The following DHDDS variants were observed in gnomAD, a reference collection of about 807,000 sequenced individuals.
DHDDS encodes dehydrodolichyl diphosphate synthase subunit, also known as dehydrodolichyl diphosphate synthase complex subunit DHDDS.
DHDDS carries 16 observed loss-of-function variants against 46.2 expected under a neutral mutation model. The ratio of observed to expected loss-of-function variants is 0.35; its 90% CI spans 0.23 to 0.53. The LOEUF is 0.53. DHDDS is among the 20% of genes least tolerant of loss of function. The pLI is 0.94. For synonymous variants in DHDDS, 151 were observed against 163.1 expected (o/e 0.93, Z 0.56); for missense variants, 340 against 423.7 (o/e 0.80, Z 1.73).
intron 3 of DHDDS, among the ~76,000 whole-genome samples, chr1:26,441,972 T>A (rs144529377): frequency 6.6e-6 from 1 of 152,082 alleles, no homozygotes; most frequent in Non-Finnish European, 1.5e-5. Context: ...CTCAATCAAC[T>A]TCTGTTCTAC....
chr1:26,433,249 T>G (rs2075121129), intron 2 of DHDDS: 1 of 571,350 alleles, frequency 1.8e-6, no homozygotes, highest in Non-Finnish European at 3.1e-6. Context: ...CCTAGACTGC[T>G]AAGTATTCTT....
chr1:26,458,167 A>C (rs1205784519), intron 7 of DHDDS, among the ~76,000 whole-genome samples: 3 of 152,250 alleles, frequency 2.0e-5, no homozygotes, highest in Admixed American at 1.3e-4. Flanking sequence ...TCTGTCTTGC[A>C]TCCCTGAGCG....
intron 5 of DHDDS, 55 bp downstream of exon 5, chr1:26,446,487 G>A: frequency 1.3e-6 from 2 of 1,538,630 alleles, no homozygotes; most frequent in Non-Finnish European, 1.8e-6. Context: ...TTCCCTGCTG[G>A]CTTTAGGGAG....
chr1:26,469,704 C>CGAGATCT lies in DHDDS; in HGVS notation c.*573_*574insGAGATCT. ...CTATTGAATCTCTACCCTCTCCCAC[C>CGAGATCT]ACACAGTACTGATTGCTCACTGAAA... On this transcript the variant is annotated 3_prime_UTR_variant, in exon 9 of 9. Transcript: ENST00000236342. 2 of 201,926 alleles carry CGAGATCT rather than the reference C, an allele frequency of 9.9e-6. No individual in the cohort carries two copies. Among genetic ancestry groups the CGAGATCT allele is most frequent in the Non-Finnish European group, 2.1e-5 (2 of 96,072 alleles). The allele number at this position is 201,926 out of a possible 1,614,324, so 12.5% of individuals were successfully genotyped here.
chr1:26,444,181 G>C (rs2075244954), intron 4 of DHDDS, among the ~76,000 whole-genome samples: 2 of 152,162 alleles, frequency 1.3e-5, no homozygotes, highest in Non-Finnish European at 2.9e-5. Context: ...TAGAGAAAAT[G>C]GTCTTCGTTT....
chr1:26,458,358 A>G (rs960178481), intron 7 of DHDDS, among the ~76,000 whole-genome samples: 19 of 152,236 alleles, frequency 1.2e-4, no homozygotes, highest in African/African-American at 4.3e-4. Flanking sequence ...GCACATAACT[A>G]GGGGAAGTCC....
At chr1:26,444,914 C>T (rs577859228) in intron 4 of DHDDS, among the ~76,000 whole-genome samples, 28 of 152,306 alleles carry the variant, frequency 1.8e-4, no homozygotes, top group African/African-American at 3.4e-4. Flanking sequence ...CTCCCATTTT[C>T]CAAATGTGAA....
rs1440123857 is a variant in DHDDS, at chr1:26,468,930, G to A, written c.801G>A (p.Arg267=). ...ACATGTATGCAGAGGAGCGGAAGAGGCAGCAGCTGGAGAGGGACCAGGCTA... is the reference window on the plus strand; with the variant it reads ...ACATGTATGCAGAGGAGCGGAAGAGACAGCAGCTGGAGAGGGACCAGGCTA... The part of the protein sequence containing the change: ...ARDMYAEERK[R]QQLERDQATV... The change falls in exon 9 of 9, where the codon AGG becomes AGA. Residue 267 remains arginine, a synonymous_variant. Transcript: ENST00000236342. 1 of 1,614,098 alleles carries A rather than the reference G, an allele frequency of 6.2e-7. No individual in the cohort carries two copies. Among genetic ancestry groups the A allele is most frequent in the East Asian group, 2.2e-5 (1 of 44,880 alleles).
Position 26,453,955 on chromosome 1 carries a change from C to T in DHDDS, c.543-3836C>T, listed in dbSNP as rs943171287. Among the ~76,000 whole-genome samples, 7 of 151,764 alleles carry T rather than the reference C, an allele frequency of 4.6e-5. 1 individual carries two copies. Among genetic ancestry groups the T allele is most frequent in the African/African-American group, 1.7e-4 (7 of 41,424 alleles). ...TCATCTTTCCACCCTAGAGTTAACCCCTTTTTTTTTGTTTTTGAGATGGAG... is the reference window on the plus strand; with the variant it reads ...TCATCTTTCCACCCTAGAGTTAACCTCTTTTTTTTTGTTTTTGAGATGGAG... On this transcript the variant is annotated intron_variant, in intron 6 of 8. Coordinates refer to ENST00000236342, the MANE Select transcript of DHDDS (RefSeq NM_205861.3).
chr1:26,462,271 T>C (rs974433313), intron 8 of DHDDS, among the ~76,000 whole-genome samples: 3 of 152,214 alleles, frequency 2.0e-5, no homozygotes, highest in Admixed American at 6.5e-5. Flanking sequence ...TCCTCCTGCT[T>C]CGGCCTCCCC....
chr1:26,459,761 T>C (rs2075404386), intron 7 of DHDDS, among the ~76,000 whole-genome samples: 1 of 152,228 alleles, frequency 6.6e-6, no homozygotes, highest in Non-Finnish European at 1.5e-5. Context: ...GTCCTAAAAT[T>C]GGCTCTTAGA....
At chr1:26,435,616 GT>G (rs1170183235) in intron 2 of DHDDS, among the ~76,000 whole-genome samples, 1 of 142,946 alleles carries the variant, frequency 7.0e-6, no homozygotes, top group Non-Finnish European at 1.5e-5. Flanking sequence ...TTTTGTTTTT[GT>G]TTTTTTCTTT....
intron 4 of DHDDS, 35 bp from the exon 5 acceptor site, chr1:26,446,281 G>C: frequency 6.2e-7 from 1 of 1,602,332 alleles, no homozygotes. Flanking sequence ...CTCAGCAGGG[G>C]CCCTATCCCA....
chr1:26,445,544 C>G (rs2075260134), intron 4 of DHDDS, among the ~76,000 whole-genome samples: 1 of 152,074 alleles, frequency 6.6e-6, no homozygotes, highest in Non-Finnish European at 1.5e-5. Flanking sequence ...GAGACCTCAT[C>G]TTTACAAAAA....
chr1:26,468,821 CTACCTCCT>C, intron 8 of DHDDS, 66 bp from the exon 9 acceptor site: 3 of 1,546,440 alleles, frequency 1.9e-6, no homozygotes, highest in East Asian at 2.4e-5. Flanking sequence ...GCCCCACCCC[CTACCTCCT>C]CCATCCCAGT....
chr1:26,438,529 G>T, intron 3 of DHDDS: 1 of 455,308 alleles, frequency 2.2e-6, no homozygotes, highest in Non-Finnish European at 4.1e-6. Flanking sequence ...TTCAGGACTA[G>T]CCCGGGTAAC....
chr1:26,470,096 C>T lies in DHDDS; in HGVS notation c.*965C>T, dbSNP rs2075538304. 6.6e-6 allele frequency: 1 copy of T among 152,202 alleles called. No individual in the cohort carries two copies. The highest frequency in any genetic ancestry group is 2.4e-5 in the African/African-American group (1 of 41,430). 9.4% of individuals were successfully genotyped at this position (152,202 alleles called of 1,614,324 possible). A position where few individuals can be genotyped will look rare whatever the true frequency, so the allele number is the denominator to read the frequency against. On this transcript the variant is annotated 3_prime_UTR_variant, in exon 9 of 9. Transcript: ENST00000236342. ...TAGGCCCTAGATGATTTATTCTTGG[C>T]ATGGCAAAGCTTGTTCTAGGTCCTC...
At chr1:26,451,911 T>C (rs1019235104) in intron 6 of DHDDS, among the ~76,000 whole-genome samples, 1 of 151,604 alleles carries the variant, frequency 6.6e-6, no homozygotes, top group Non-Finnish European at 1.5e-5. Context: ...CACACCCGGC[T>C]ATTTTTTGTA....
chr1:26,464,332 G>A (rs1254827809), intron 8 of DHDDS, among the ~76,000 whole-genome samples: 2 of 151,166 alleles, frequency 1.3e-5, no homozygotes, highest in Non-Finnish European at 2.9e-5. Context: ...CCACATGTCA[G>A]GCATCCTTCC....
Sources: allele counts gnomAD v4.1 joint callset (sites outside exome capture counted in the v4.1 genomes callset), GRCh38; gene constraint gnomAD v4.1.1; transcripts MANE v1.5; gene names NCBI Gene and HGNC (gene_info 2026-07-23, HGNC 2026-07-21).